Variants in SYT2 observed in about 807,000 individuals in gnomAD.
The protein encoded by SYT2 is synaptotagmin-2.
In SYT2, 15 loss-of-function variants were observed where a neutral mutation model predicts 39.9. That is an observed-to-expected ratio of 0.38 (90% CI 0.25 to 0.58). SYT2 has a LOEUF of 0.58. Ranked by LOEUF, SYT2 falls within the 20% of genes least tolerant of loss-of-function variation. The pLI is 0.70. For synonymous variants in SYT2, 181 were observed against 204.5 expected (o/e 0.89, Z 0.98); for missense variants, 389 against 530.3 (o/e 0.73, Z 2.62).
intron 1 of SYT2, among the ~76,000 whole-genome samples, chr1:202,651,126 A>T (rs1692185263): frequency 6.6e-6 from 1 of 152,106 alleles, no homozygotes; most frequent in African/African-American, 2.4e-5. Context: ...AGGCAATGAG[A>T]AGAGGGAGTG....
At chr1:202,683,351 G>A (rs1653573512) in intron 1 of SYT2, among the ~76,000 whole-genome samples, 2 of 152,166 alleles carry the variant, frequency 1.3e-5, no homozygotes, top group Non-Finnish European at 2.9e-5. Context: ...ATGACACAAG[G>A]AAATACAACA....
chr1:202,602,950 C>G, intron 4 of SYT2, 49 bp downstream of exon 4: 1 of 1,588,206 alleles, frequency 6.3e-7, no homozygotes, highest in Non-Finnish European at 8.6e-7. Context: ...CACCCAACTC[C>G]CAGGCCTCTC....
At chr1:202,686,171 G>A (rs553407158) in intron 1 of SYT2, among the ~76,000 whole-genome samples, 9 of 152,278 alleles carry the variant, frequency 5.9e-5, no homozygotes, top group African/African-American at 1.4e-4. Flanking sequence ...GTCCCCCTTC[G>A]CCTTCTGCCA....
chr1:202,708,554 G>A (rs1654308737), intron 1 of SYT2, among the ~76,000 whole-genome samples: 5 of 152,050 alleles, frequency 3.3e-5, no homozygotes, highest in South Asian at 4.1e-4. Context: ...TGGTTCAGTC[G>A]GGGTTCAGTG....
At chr1:202,642,387 G>C (rs957281452) in intron 1 of SYT2, among the ~76,000 whole-genome samples, 2 of 151,854 alleles carry the variant, frequency 1.3e-5, no homozygotes, top group South Asian at 4.2e-4. Context: ...CCCCATTCCT[G>C]TCTTGGGCAC....
rs1691107559 is a variant in SYT2, at chr1:202,618,381, G to A, written c.-17-12592C>T. On this transcript the variant is annotated intron_variant, in intron 1 of 8. Transcript: ENST00000367268. ...CACCCACCCAAGCATAGATTGGGAA[G>A]GAACCAAGGTCTGGTGTGAGTGTGT... is the stretch of plus-strand genomic sequence containing the variant. Among the ~76,000 whole-genome samples, 5 of 141,462 alleles carry A rather than the reference G, an allele frequency of 3.5e-5. No individual in the cohort carries two copies. The South Asian group carries it at 1.2e-3, about 34-fold the overall frequency. The allele number at this position is 141,462 out of a possible 152,430, so 92.8% of individuals were successfully genotyped here. A position where few individuals can be genotyped will look rare whatever the true frequency, so the allele number is the denominator to read the frequency against.
intron 1 of SYT2, among the ~76,000 whole-genome samples, chr1:202,649,035 C>G (rs1200854042): frequency 6.6e-6 from 1 of 152,212 alleles, no homozygotes; most frequent in African/African-American, 2.4e-5. Flanking sequence ...ATCACATCAC[C>G]TAGGGAGGGA....
chr1:202,702,290 A>G (rs973563233), intron 1 of SYT2, among the ~76,000 whole-genome samples: 8 of 152,224 alleles, frequency 5.3e-5, no homozygotes, highest in Non-Finnish European at 1.2e-4. Context: ...AGCAGCAGCA[A>G]CCAGCACAGT....
chr1:202,608,116 G>A (rs1050558225), intron 1 of SYT2, among the ~76,000 whole-genome samples: 2 of 152,062 alleles, frequency 1.3e-5, no homozygotes, highest in African/African-American at 2.4e-5. Flanking sequence ...CTATAGATTT[G>A]TCTATCCTAA....
chr1:202,604,394 C>T (rs1342910238), intron 3 of SYT2, 61 bp downstream of exon 3: 4 of 1,555,006 alleles, frequency 2.6e-6, no homozygotes, highest in Non-Finnish European at 3.5e-6. Flanking sequence ...CTTCCCCTTT[C>T]AGCATCAGGA....
At chr1:202,619,666 A>G (rs1375248743) in intron 1 of SYT2, among the ~76,000 whole-genome samples, 1 of 152,204 alleles carries the variant, frequency 6.6e-6, no homozygotes, top group Non-Finnish European at 1.5e-5. Context: ...TGATCTGGGC[A>G]CCACACTTTG....
chr1:202,649,868 C>T (rs999614743), intron 1 of SYT2, among the ~76,000 whole-genome samples: 4 of 152,196 alleles, frequency 2.6e-5, no homozygotes, highest in Admixed American at 6.5e-5. Flanking sequence ...TCTGTGGAGG[C>T]GCTAAAACCC....
At position 202,641,417 on chromosome 1, in the gene SYT2, G is replaced by A. The variant is rs535918044; in HGVS notation, c.-17-35628C>T. Among the ~76,000 whole-genome samples the A allele has an allele frequency of 8.7e-4, 132 of 152,324 alleles. 1 individual carries two copies. The highest frequency in any genetic ancestry group is 3.1e-3 in the African/African-American group (129 of 41,560). On this transcript the variant is annotated intron_variant, in intron 1 of 8. Transcript: ENST00000367268. ...AGTTATCTAGTTCTACCTTCTCAAT[G>A]TACAGGCGAGGAAAGCAAGAAAGGG...
intron 1 of SYT2, among the ~76,000 whole-genome samples, chr1:202,658,020 C>T (rs189762440): frequency 1.3e-5 from 2 of 152,228 alleles, no homozygotes. Flanking sequence ...TCTGGGCCCA[C>T]GCTGTAGGAT....
intron 1 of SYT2, among the ~76,000 whole-genome samples, chr1:202,696,344 C>T (rs1055914356): frequency 1.4e-4 from 21 of 152,178 alleles, no homozygotes; most frequent in African/African-American, 4.8e-4. Flanking sequence ...ACCCAGGATG[C>T]CTATGGTGGC....
chr1:202,691,948 C>T (rs1265733096), intron 1 of SYT2, among the ~76,000 whole-genome samples: 1 of 152,042 alleles, frequency 6.6e-6, no homozygotes, highest in African/African-American at 2.4e-5. Context: ...CAGCTACCGT[C>T]TGGCACTCTA....
intron 1 of SYT2, among the ~76,000 whole-genome samples, chr1:202,701,950 A>G (rs957949676): frequency 4.6e-5 from 7 of 152,192 alleles, no homozygotes; most frequent in Non-Finnish European, 7.4e-5. Flanking sequence ...GACCTAGGCC[A>G]TCTGACTCCC....
intron 1 of SYT2, among the ~76,000 whole-genome samples, chr1:202,700,580 T>A (rs76414576): frequency 0.082 from 12,446 of 152,262 alleles, 638 homozygotes; most frequent in Non-Finnish European, 0.11. Context: ...TAATACAACA[T>A]ATTTAATAAG....
chr1:202,673,098 TATGG>T (rs780324016), intron 1 of SYT2, among the ~76,000 whole-genome samples: 5 of 152,138 alleles, frequency 3.3e-5, no homozygotes, highest in Middle Eastern at 3.2e-3. Flanking sequence ...AATCTGGGCT[TATGG>T]ATGGTGTTAT....
Sources: gnomAD v4.1 joint callset for allele counts (sites outside exome capture counted in the v4.1 genomes callset) on GRCh38, gnomAD v4.1.1 for gene constraint, MANE v1.5 for transcripts, NCBI Gene and HGNC (gene_info 2026-07-23, HGNC 2026-07-21) for gene names.